USP36: variants seen among roughly 807,000 people sequenced by gnomAD.
USP36 encodes the protein ubiquitin carboxyl-terminal hydrolase 36.
USP36 carries 59 observed loss-of-function variants against 111.5 expected under a neutral mutation model. The ratio of observed to expected loss-of-function variants is 0.53; its 90% CI spans 0.43 to 0.66. The LOEUF is 0.66. Among genes scored for constraint, USP36 ranks in the 30% least tolerant of loss-of-function variants. The pLI, the probability that USP36 is intolerant of heterozygous loss-of-function variation, is 0.00. For synonymous variants in USP36, 628 were observed against 581.0 expected (o/e 1.08, Z -1.16); for missense variants, 1,488 against 1,468.0 (o/e 1.01, Z -0.22).
rs112234844 is a variant in USP36 at position 78,803,591 on chromosome 17, C to T, written c.2604G>A (p.Gln868=). 3.5e-5 allele frequency: 57 copies of T among 1,613,102 alleles called. No individual in the cohort carries two copies. In the African/African-American group the frequency reaches 6.8e-4, roughly 19 times the overall value. ...SALQEGQTQR[Q]PGSPMYRREG... ...CCCTCCTGTACATGGGGCTCCCAGG[C>T]TGTCTCTGTGTCTGCCCCTCCTGCA... Residue 868 remains glutamine, a synonymous_variant, in exon 16 of 21, where the codon CAG becomes CAA. Coordinates refer to ENST00000449938, the MANE Select transcript of USP36 (RefSeq NM_001385174.1). This position sits in a 1 kb window ranked among gnomAD's most constrained non-coding sequence, Gnocchi z 4.6.
intron 6 of USP36, among the ~76,000 whole-genome samples, chr17:78,825,731 C>A (rs776753800): frequency 2.0e-5 from 3 of 151,910 alleles, no homozygotes; most frequent in Non-Finnish European, 4.4e-5. Context: ...CAGTTTCTGT[C>A]CTAAGAGCGC....
chr17:78,820,621 C>G (rs980094875), intron 8 of USP36, among the ~76,000 whole-genome samples: 2 of 152,198 alleles, frequency 1.3e-5, no homozygotes, highest in African/African-American at 4.8e-5. Flanking sequence ...GTAGCTGCAG[C>G]AGGATGTGCG....
rs138324901 is a variant in USP36 at position 78,835,397 on chromosome 17, C to T, written c.358G>A (p.Val120Met). 29 of 1,614,244 alleles carry T rather than the reference C, an allele frequency of 1.8e-5. No individual in the cohort carries two copies. The highest frequency in any genetic ancestry group is 3.3e-5 in the South Asian group (3 of 91,088). ...CCAAGGTTGTGGAGTCCTGCGCCCA[C>T]GCGGAAGACCCGCTCCCACCTCAGA... ...LSLRWERVFR[V>M]GAGLHNLGNT... is the part of the protein sequence containing the mutation. Residue 120 changes from valine to methionine, a missense_variant, in exon 4 of 21, where the codon GTG (valine) becomes ATG (methionine). Physicochemically the swap from Val to Met is conservative, Grantham distance 21. Transcript: ENST00000449938.
At position 78,801,807 on chromosome 17, in the gene USP36, G is replaced by C. The variant is rs201857791; in HGVS notation, c.3022+517C>G. ...GTCATTCCGTGAGAAGCTGTAGACA[G>C]AACAGCTTTGAATCGGAAGACCCAC... On this transcript the variant is annotated intron_variant, in intron 17 of 20. Coordinates refer to ENST00000449938, the MANE Select transcript of USP36 (RefSeq NM_001385174.1). Among the ~76,000 whole-genome samples the C allele has an allele frequency of 3.4e-3, 525 of 152,356 alleles. 4 individuals are homozygous for C. The highest frequency in any genetic ancestry group is 6.0e-3 in the Non-Finnish European group (405 of 68,040).
chr17:78,813,055 GGA>G (rs2094105528), intron 12 of USP36, 54 bp from the exon 13 acceptor site: 2 of 1,607,392 alleles, frequency 1.2e-6, no homozygotes, highest in Non-Finnish European at 1.7e-6. Context: ...TTACAGAAAC[GGA>G]GAGAATTAGA....
intron 17 of USP36, among the ~76,000 whole-genome samples, chr17:78,801,799 T>A (rs547405766): frequency 2.0e-5 from 3 of 152,338 alleles, no homozygotes; most frequent in Admixed American, 1.3e-4. Flanking sequence ...CGTGAGAAGC[T>A]GTAGACAGAA....
chr17:78,814,644 A>G, intron 10 of USP36, 92 bp from the exon 11 acceptor site: 1 of 1,480,940 alleles, frequency 6.8e-7, no homozygotes, highest in Non-Finnish European at 9.1e-7. Flanking sequence ...CAAAATGCCC[A>G]GCTTGTCTGG....
rs199750041 is a variant in USP36, at chr17:78,806,237, G to A, written c.2135C>T (p.Pro712Leu). The change falls in exon 15 of 21, where the codon CCC becomes CTC. Residue 712 changes from proline to leucine, a missense_variant. Around this residue, in one of 3 missense-constraint regions of USP36, gnomAD observed 1,073 missense variants for 994.1 expected, o/e 1.08. Coordinates refer to ENST00000449938, the MANE Select transcript of USP36 (RefSeq NM_001385174.1). ...GTGGGTGAGGTCGGAGGATGGTGAGGGGGGAGGTGGACGGAGGTCATTGCC... is the reference window on the plus strand; with the variant it reads ...GTGGGTGAGGTCGGAGGATGGTGAGAGGGGAGGTGGACGGAGGTCATTGCC... ...ATGNDLRPPP[P>L]SPSSDLTHPM... 1 of 1,613,772 alleles carries A rather than the reference G, an allele frequency of 6.2e-7. No individual in the cohort carries two copies. The highest frequency in any genetic ancestry group is 1.3e-5 in the African/African-American group (1 of 74,912).
downstream of USP36, among the ~76,000 whole-genome samples, chr17:78,792,586 G>A (rs916591617): frequency 1.1e-4 from 17 of 152,314 alleles, no homozygotes; most frequent in Admixed American, 8.5e-4. Flanking sequence ...ATCAGAATGC[G>A]GGGGAAGGAG....
At chr17:78,830,237 T>A (rs190331920) in intron 4 of USP36, among the ~76,000 whole-genome samples, 2 of 152,362 alleles carry the variant, frequency 1.3e-5, no homozygotes, top group Non-Finnish European at 2.9e-5. Context: ...AATGGCACTG[T>A]AGCTACATGT....
intron 18 of USP36, 86 bp downstream of exon 18, chr17:78,799,581 A>T: frequency 8.3e-7 from 1 of 1,206,452 alleles, no homozygotes; most frequent in Non-Finnish European, 1.2e-6. Context: ...CCACACTCAC[A>T]GTGCACCAGG....
intron 5 of USP36, 140 bp downstream of exon 5, chr17:78,828,757 C>T (rs2067808134): frequency 1.3e-6 from 1 of 786,402 alleles, no homozygotes; most frequent in South Asian, 1.7e-5. Context: ...GTAATCCCAA[C>T]ACTTTGGCAG....
chr17:78,807,261 C>T lies in USP36; in HGVS notation c.1783G>A (p.Gly595Arg). ...LLATATANGHGLKGNDESAGL... is the reference protein window; with the variant it reads ...LLATATANGHRLKGNDESAGL... ...GCGCTCTCGTCGTTCCCCTTCAGCC[C>T]ATGCCCGTTGGCAGTGGCTGTAGCC... The change falls in exon 14 of 21, where the codon GGG (glycine) becomes AGG (arginine). Residue 595 changes from glycine (G) to arginine (R), a missense_variant. By Grantham distance (125) the Gly-to-Arg change is moderately radical. Around this residue, in one of 3 missense-constraint regions of USP36, gnomAD observed 1,073 missense variants for 994.1 expected, o/e 1.08. Coordinates refer to ENST00000449938, the MANE Select transcript of USP36 (RefSeq NM_001385174.1). The T allele has an allele frequency of 6.2e-7, 1 of 1,614,116 alleles. No homozygotes were observed. The highest frequency in any genetic ancestry group is 2.2e-5 in the East Asian group (1 of 44,870).
chr17:78,805,742 G>A (rs941145862), intron 15 of USP36, among the ~76,000 whole-genome samples: 2 of 152,172 alleles, frequency 1.3e-5, no homozygotes, highest in African/African-American at 2.4e-5. Flanking sequence ...CAGGCAAGAC[G>A]TCCCACAAAA....
chr17:78,811,500 C>A, intron 13 of USP36, among the ~76,000 whole-genome samples: 1 of 152,174 alleles, frequency 6.6e-6, no homozygotes, highest in East Asian at 1.9e-4. Context: ...CAAAGACACT[C>A]TCTTACATAA....
At chr17:78,800,969 A>ATTT (rs746497209) in intron 17 of USP36, among the ~76,000 whole-genome samples, 90 of 97,212 alleles carry the variant, frequency 9.3e-4, no homozygotes, top group African/African-American at 1.3e-3. Flanking sequence ...TTAGGGCAGT[A>ATTT]TTTTTTTTTT....
At position 78,836,176 on chromosome 17, in the gene USP36, A is replaced by G. The variant is rs1157349029; in HGVS notation, c.188T>C (p.Leu63Pro). 1 of 1,613,964 alleles carries G rather than the reference A, an allele frequency of 6.2e-7. No individual in the cohort carries two copies. Among genetic ancestry groups the G allele is most frequent in the African/African-American group, 1.3e-5 (1 of 74,884 alleles). ...ACTAGCTCCCTCTGTTTTGGGGTTG[A>G]GCAACACATATTTGCTCTTTAAGGC... ...LEALKSKYVL[L>P]NPKTEGASRH... The change falls in exon 3 of 21, where the codon CTC becomes CCC. Residue 63 changes from leucine to proline, a missense_variant. By Grantham distance (98) the Leu-to-Pro change is moderately conservative (BLOSUM62 -3). Around this residue, in one of 3 missense-constraint regions of USP36, gnomAD observed 219 missense variants for 209.5 expected, o/e 1.05. Transcript: ENST00000449938.
chr17:78,813,560 A>G (rs2094116913), intron 12 of USP36, among the ~76,000 whole-genome samples: 1 of 152,184 alleles, frequency 6.6e-6, no homozygotes, highest in African/African-American at 2.4e-5. Flanking sequence ...AAACAGCATC[A>G]ATGTGAGGGC....
intron 13 of USP36, among the ~76,000 whole-genome samples, chr17:78,808,195 C>A (rs954172005): frequency 6.6e-6 from 1 of 152,080 alleles, no homozygotes; most frequent in Non-Finnish European, 1.5e-5. Flanking sequence ...GAGTTGCATC[C>A]CAGTTTTATC....
Sources: allele counts gnomAD v4.1 joint callset (sites outside exome capture counted in the v4.1 genomes callset), GRCh38; gene constraint gnomAD v4.1.1; regional missense constraint gnomAD v4.1.1; non-coding constraint Gnocchi (gnomAD v3.1); transcripts MANE v1.5; gene names NCBI Gene and HGNC (gene_info 2026-07-23, HGNC 2026-07-21).